Variants in LGR5 observed in about 807,000 individuals in gnomAD.
LGR5 encodes the protein leucine rich repeat containing G protein-coupled receptor 5.
A neutral mutation model predicts 76.7 loss-of-function variants in LGR5; 54 were observed. The observed-to-expected ratio is 0.70, with a 90% CI of 0.57 to 0.88. The LOEUF (loss-of-function observed/expected upper bound fraction) is 0.88, where lower values mean the gene tolerates loss of function less well. LGR5 is among the 40% of genes least tolerant of loss of function. The probability of loss-of-function intolerance (pLI) is 0.00; values close to 1 mark genes in which losing one functional copy is unlikely to be tolerated. For synonymous variants in LGR5, 406 were observed against 421.9 expected (o/e 0.96, Z 0.46); for missense variants, 1,078 against 1,073.3 (o/e 1.00, Z -0.06).
chr12:71,486,674 T>G (rs916133076), intron 1 of LGR5, among the ~76,000 whole-genome samples: 3 of 152,230 alleles, frequency 2.0e-5, no homozygotes, highest in Non-Finnish European at 2.9e-5. Flanking sequence ...GCTAAAAATA[T>G]CAAGAACCCG....
rs1874769891 is a variant in LGR5, at chr12:71,504,631, A to C, written c.230A>C (p.Asn77Thr). Reference protein sequence around the residue: ...FTSYLDLSMNNISQLLPNPLP... With the variant: ...FTSYLDLSMNTISQLLPNPLP... ...CCCCCCAGAGACCTCAGTATGAACA[A>C]CATCAGTCAGCTGCTCCCGAATCCC... The change falls in exon 2 of 18, where the codon AAC (asparagine) becomes ACC (threonine). Residue 77 changes from asparagine (N) to threonine (T), a missense_variant. Physicochemically the swap from Asn to Thr is moderately conservative, Grantham distance 65. Transcript: ENST00000266674. 6.2e-7 allele frequency: 1 copy of C among 1,613,944 alleles called. No homozygotes were observed. Among genetic ancestry groups the C allele is most frequent in the African/African-American group, 1.3e-5 (1 of 74,884 alleles).
intron 2 of LGR5, among the ~76,000 whole-genome samples, chr12:71,514,708 T>G (rs1875350809): frequency 6.6e-6 from 1 of 152,204 alleles, no homozygotes. Context: ...CCTTGAAATC[T>G]GAATGTTTTT....
intron 1 of LGR5, among the ~76,000 whole-genome samples, chr12:71,444,867 G>A (rs1328870148): frequency 6.6e-6 from 1 of 151,980 alleles, no homozygotes; most frequent in Admixed American, 6.6e-5. Flanking sequence ...ACCCAATAAA[G>A]CTATCAAAAT....
rs1874766883 is a variant in LGR5 at position 71,504,608 on chromosome 12, C to T, written c.213-6C>T. 3 of 1,613,554 alleles carry T rather than the reference C, an allele frequency of 1.9e-6. No homozygotes were observed. Among genetic ancestry groups the T allele is most frequent in the Non-Finnish European group, 2.5e-6 (3 of 1,179,510 alleles). ...CTCCTCACACGCTGTCTGTTTTCCC[C>T]CCCAGAGACCTCAGTATGAACAACA... On this transcript the variant is annotated splice_region_variant and splice_polypyrimidine_tract_variant and intron_variant, in intron 1 of 17. Transcript: ENST00000266674.
chr12:71,475,189 C>A (rs1565672071), intron 1 of LGR5, among the ~76,000 whole-genome samples: 1 of 151,870 alleles, frequency 6.6e-6, no homozygotes, highest in African/African-American at 2.4e-5. Flanking sequence ...GTTAGTGCAT[C>A]TAATTCAAAA....
At chr12:71,458,247 G>A (rs145220197) in intron 1 of LGR5, among the ~76,000 whole-genome samples, 2 of 152,036 alleles carry the variant, frequency 1.3e-5, no homozygotes, top group East Asian at 1.9e-4. Flanking sequence ...AATCTCCTGC[G>A]CTAGGGTTCT....
chr12:71,578,736 G>T (rs1223024551), intron 14 of LGR5, 68 bp from the exon 15 acceptor site: 44 of 1,434,070 alleles, frequency 3.1e-5, no homozygotes, highest in Non-Finnish European at 3.7e-5. Flanking sequence ...TTAGGTTGTT[G>T]TTTTTTTTAA....
chr12:71,578,397 A>T (rs914554014), intron 14 of LGR5, among the ~76,000 whole-genome samples: 1 of 151,970 alleles, frequency 6.6e-6, no homozygotes, highest in African/African-American at 2.4e-5. Flanking sequence ...CCCATCTCTT[A>T]TCTAACAAAG....
At chr12:71,481,217 G>T (rs1565677993) in intron 1 of LGR5, among the ~76,000 whole-genome samples, 1 of 152,146 alleles carries the variant, frequency 6.6e-6, no homozygotes, top group South Asian at 2.1e-4. Flanking sequence ...ACATGCATTA[G>T]GTATTTGTCC....
Position 71,439,842 on chromosome 12 carries a change from A to G in LGR5, c.-239A>G. The G allele has an allele frequency of 2.0e-6, 1 of 494,592 alleles. No homozygotes were observed. The highest frequency in any genetic ancestry group is 3.7e-5 in the East Asian group (1 of 27,386). 30.6% of individuals were successfully genotyped at this position (494,592 alleles called of 1,614,324 possible). A position where few individuals can be genotyped will look rare whatever the true frequency, so the allele number is the denominator to read the frequency against. ...GCGAGCAGCAGCAAGGCGCACCGCC[A>G]CTGTCGCCGCTGCAGCCAGGGCTGC... is the stretch of plus-strand genomic sequence containing the variant. On this transcript the variant is annotated 5_prime_UTR_variant, in exon 1 of 18. Transcript: ENST00000266674.
At chr12:71,477,040 G>A (rs938346041) in intron 1 of LGR5, among the ~76,000 whole-genome samples, 2 of 152,142 alleles carry the variant, frequency 1.3e-5, no homozygotes, top group African/African-American at 4.8e-5. Flanking sequence ...TAACAAATTT[G>A]TGAAATGTCT....
chr12:71,567,006 G>A, intron 11 of LGR5, 94 bp downstream of exon 11: 1 of 1,056,030 alleles, frequency 9.5e-7, no homozygotes, highest in Admixed American at 1.7e-5. Flanking sequence ...CTTTAAAAGA[G>A]GAGAAAGTTT....
At chr12:71,555,758 C>T (rs1877726613) in intron 5 of LGR5, among the ~76,000 whole-genome samples, 1 of 152,174 alleles carries the variant, frequency 6.6e-6, no homozygotes, top group South Asian at 2.1e-4. Context: ...TTGTGGAATA[C>T]AGTGTGGCAA....
In LGR5 at chr12:71,575,430, T is replaced by C. The variant is rs562925395; in HGVS notation, c.1209-2495T>C. ...CCCCCCAAAATGTAAATCATAATGT[T>C]GGGTGTGATGGTTCACACCTGTAAT... On this transcript the variant is annotated intron_variant, in intron 13 of 17. Coordinates refer to ENST00000266674, the MANE Select transcript of LGR5 (RefSeq NM_003667.4). Among the ~76,000 whole-genome samples, 6 of 152,260 alleles carry C rather than the reference T, an allele frequency of 3.9e-5. No individual in the cohort carries two copies. The South Asian group carries it at 1.0e-3, about 26-fold the overall frequency.
intron 1 of LGR5, among the ~76,000 whole-genome samples, chr12:71,485,609 ACT>A (rs1873790642): frequency 6.6e-6 from 1 of 151,942 alleles, no homozygotes. Context: ...ATTCACCAGT[ACT>A]CCCAGCTACT....
At chr12:71,497,259 A>T (rs1268560583) in intron 1 of LGR5, among the ~76,000 whole-genome samples, 2 of 151,996 alleles carry the variant, frequency 1.3e-5, no homozygotes, top group Non-Finnish European at 2.9e-5. Flanking sequence ...TGGCTGCAGT[A>T]AGCCATGATC....
chr12:71,559,096 A>T (rs1877924274), intron 6 of LGR5, among the ~76,000 whole-genome samples: 3 of 152,132 alleles, frequency 2.0e-5, no homozygotes, highest in African/African-American at 7.2e-5. Context: ...GCTAGGAGGG[A>T]TGTGGGAACC....
At chr12:71,552,951 T>C (rs1877563818) in intron 4 of LGR5, 122 bp from the exon 5 acceptor site, 2 of 743,952 alleles carry the variant, frequency 2.7e-6, no homozygotes, top group Non-Finnish European at 4.5e-6. Flanking sequence ...ATGTCAGGGC[T>C]CTCGGGGACC....
At position 71,443,812 on chromosome 12, in the gene LGR5, T is replaced by A. The variant is rs552757659; in HGVS notation, c.212+3520T>A. Among the ~76,000 whole-genome samples the A allele has an allele frequency of 2.0e-3, 311 of 152,292 alleles. 2 individuals carry two copies. The highest frequency in any genetic ancestry group is 7.2e-3 in the African/African-American group (301 of 41,578). On this transcript the variant is annotated intron_variant, in intron 1 of 17. Transcript: ENST00000266674. ...ATTGGTCCAGAACAGCTATTTTATT[T>A]TAAAAAGAAAACTGAATTTTTCTTT...
Sources: allele counts gnomAD v4.1 joint callset (sites outside exome capture counted in the v4.1 genomes callset), GRCh38; gene constraint gnomAD v4.1.1; transcripts MANE v1.5; gene names NCBI Gene and HGNC (gene_info 2026-07-23, HGNC 2026-07-21).